The following TXNL1 variants were observed in gnomAD, a reference collection of about 807,000 sequenced individuals.
TXNL1 encodes the protein thioredoxin-like protein 1.
Under a neutral mutation model 35.5 loss-of-function variants are expected in TXNL1, and 14 were observed. That is an observed-to-expected ratio of 0.39 (90% CI 0.26 to 0.62). TXNL1 has a LOEUF of 0.62. Ranked by LOEUF, TXNL1 falls within the 20% of genes least tolerant of loss-of-function variation. The pLI is 0.47. For synonymous variants in TXNL1, 110 were observed against 115.5 expected (o/e 0.95, Z 0.31); for missense variants, 263 against 349.7 (o/e 0.75, Z 1.98).
At chr18:56,632,704 T>C (rs936348954) in intron 1 of TXNL1, among the ~76,000 whole-genome samples, 1 of 152,228 alleles carries the variant, frequency 6.6e-6, no homozygotes, top group African/African-American at 2.4e-5. Flanking sequence ...TCTATAGTGT[T>C]AGAATTCAAG....
In TXNL1 at chr18:56,638,592, T is replaced by C. The variant is rs1032504327; in HGVS notation, c.-152A>G. ...CCGAGTCTTCTCCCGGGACTCTCAGTGCCGAGTCACGCCAGGGAGCGGAGC... is the reference window on the plus strand; with the variant it reads ...CCGAGTCTTCTCCCGGGACTCTCAGCGCCGAGTCACGCCAGGGAGCGGAGC... On this transcript the variant is annotated 5_prime_UTR_variant, in exon 1 of 8. Coordinates refer to ENST00000217515, the MANE Select transcript of TXNL1 (RefSeq NM_004786.3). The C allele has an allele frequency of 1.9e-5, 9 of 471,972 alleles. No individual in the cohort carries two copies. The highest frequency in any genetic ancestry group is 1.2e-4 in the South Asian group (5 of 43,198). The allele number at this position is 471,972 out of a possible 1,614,324, so 29.2% of individuals were successfully genotyped here.
intron 1 of TXNL1, among the ~76,000 whole-genome samples, chr18:56,629,255 C>T (rs1324483454): frequency 6.6e-6 from 1 of 152,228 alleles, no homozygotes; most frequent in Non-Finnish European, 1.5e-5. Context: ...GGGCCAGGCA[C>T]GCTGGCTCAC....
chr18:56,603,281 GTTT>G (rs34882850), intron 7 of TXNL1, among the ~76,000 whole-genome samples: 2 of 120,390 alleles, frequency 1.7e-5, no homozygotes, highest in African/African-American at 5.5e-5. Context: ...GTTTCACACA[GTTT>G]TTTTTTTTTT....
At chr18:56,623,202 T>C (rs1346689563) in intron 3 of TXNL1, among the ~76,000 whole-genome samples, 1 of 152,160 alleles carries the variant, frequency 6.6e-6, no homozygotes, top group African/African-American at 2.4e-5. Context: ...CCAAGGCAGG[T>C]GGATCACCTG....
rs2023762664 is a variant in TXNL1 at position 56,597,843 on chromosome 18, A to G, written c.*5184T>C. On this transcript the variant is annotated 3_prime_UTR_variant, in exon 8 of 8. Coordinates refer to ENST00000217515, the MANE Select transcript of TXNL1 (RefSeq NM_004786.3). ...AATTTAAGGCAATGTACCCAAAACC[A>G]TATTCATCTTCCCCTCTGAACGTTC... 1.3e-5 allele frequency: 2 copies of G among 152,226 alleles called. No homozygotes were observed. The highest frequency in any genetic ancestry group is 2.4e-5 in the African/African-American group (1 of 41,458). The allele number at this position is 152,226 out of a possible 1,614,324, so 9.4% of individuals were successfully genotyped here. A position where few individuals can be genotyped will look rare whatever the true frequency, so the allele number is the denominator to read the frequency against.
chr18:56,635,559 C>G (rs1361805427), intron 1 of TXNL1, among the ~76,000 whole-genome samples: 1 of 152,090 alleles, frequency 6.6e-6, no homozygotes, highest in Non-Finnish European at 1.5e-5. Context: ...CACAAATTGA[C>G]AAATTCATAG....
rs549715712 is a variant in TXNL1, at chr18:56,619,963, GTTA to G, written c.370-1840_370-1838del. 3.5e-3 allele frequency among the ~76,000 whole-genome samples: 529 copies of G among 151,826 alleles called. 3 individuals are homozygous for G. The highest frequency in any genetic ancestry group is 0.03 in the East Asian group (156 of 5,180). ...ACATGCTTTAAAAAAACTCAATTTT[GTTA>G]TTATTATTATTATTATTTTTTTGAG... On this transcript the variant is annotated intron_variant, in intron 3 of 7. Coordinates refer to ENST00000217515, the MANE Select transcript of TXNL1 (RefSeq NM_004786.3).
At chr18:56,634,218 T>A (rs894414064) in intron 1 of TXNL1, among the ~76,000 whole-genome samples, 1 of 152,114 alleles carries the variant, frequency 6.6e-6, no homozygotes, top group African/African-American at 2.4e-5. Flanking sequence ...GGCAGAGGTG[T>A]AAATTATTTA....
In TXNL1 at chr18:56,611,106, A is replaced by C; in HGVS notation, c.736-9T>G. 1 of 1,574,322 alleles carries C rather than the reference A, an allele frequency of 6.4e-7. No homozygotes were observed. The highest frequency in any genetic ancestry group is 8.6e-7 in the Non-Finnish European group (1 of 1,158,274). On this transcript the variant is annotated splice_polypyrimidine_tract_variant and intron_variant, in intron 6 of 7. Coordinates refer to ENST00000217515, the MANE Select transcript of TXNL1 (RefSeq NM_004786.3). ...TTCGACTGAACAAATATCTACCAAAAAAAAGTTTGCATTTATAATTACAAT... is the reference window on the plus strand; with the variant it reads ...TTCGACTGAACAAATATCTACCAAACAAAAGTTTGCATTTATAATTACAAT...
intron 7 of TXNL1, chr18:56,608,866 G>T (rs2023944344): frequency 2.0e-5 from 3 of 151,142 alleles, no homozygotes; most frequent in Non-Finnish European, 2.9e-5. Context: ...AGGATCACTT[G>T]AGCCCAGGAG....
chr18:56,621,176 T>C (rs1344454268), intron 3 of TXNL1, among the ~76,000 whole-genome samples: 2 of 151,900 alleles, frequency 1.3e-5, no homozygotes, highest in Admixed American at 1.3e-4. Context: ...TTTTTATTTA[T>C]TGTGGGGCAC....
chr18:56,607,212 C>T (rs926753348), intron 7 of TXNL1, among the ~76,000 whole-genome samples: 1 of 147,974 alleles, frequency 6.8e-6, no homozygotes, highest in African/African-American at 2.5e-5. Flanking sequence ...GAGATGGAAT[C>T]TTACTATGTT....
intron 6 of TXNL1, among the ~76,000 whole-genome samples, chr18:56,611,684 T>C (rs1056190649): frequency 2.0e-5 from 3 of 151,792 alleles, no homozygotes; most frequent in African/African-American, 7.3e-5. Flanking sequence ...AGAGTCACAA[T>C]TAAATTCTCT....
At chr18:56,628,424 AAC>A (rs1251214855) in intron 1 of TXNL1, among the ~76,000 whole-genome samples, 1 of 152,186 alleles carries the variant, frequency 6.6e-6, no homozygotes, top group Non-Finnish European at 1.5e-5. Context: ...AAAAATCAGA[AAC>A]AATTAAATTC....
Position 56,614,409 on chromosome 18 carries a change from C to A in TXNL1, c.735+15G>T. 10 of 1,607,536 alleles carry A rather than the reference C, an allele frequency of 6.2e-6. No homozygotes were observed. Among genetic ancestry groups the A allele is most frequent in the Non-Finnish European group, 8.5e-6 (10 of 1,176,506 alleles). The stretch of plus-strand genomic sequence containing the variant: ...CACAAACCTATTAAATACATATGAA[C>A]GAAATACTACTTACAGTTACACTGT... On this transcript the variant is annotated intron_variant, in intron 6 of 7. Coordinates refer to ENST00000217515, the MANE Select transcript of TXNL1 (RefSeq NM_004786.3).
At chr18:56,610,945 T>G in intron 7 of TXNL1, 48 bp downstream of exon 7, 1 of 1,233,482 alleles carries the variant, frequency 8.1e-7, no homozygotes, top group Non-Finnish European at 1.1e-6. Flanking sequence ...AATTATTCCA[T>G]TAAAATTATA....
At chr18:56,618,598 A>G (rs1406953622) in intron 3 of TXNL1, among the ~76,000 whole-genome samples, 1 of 151,660 alleles carries the variant, frequency 6.6e-6, no homozygotes, top group East Asian at 1.9e-4. Context: ...CCATGTATCC[A>G]CCACCTCCAG....
intron 1 of TXNL1, among the ~76,000 whole-genome samples, chr18:56,636,318 A>G (rs1289062619): frequency 1.3e-5 from 2 of 152,170 alleles, no homozygotes; most frequent in African/African-American, 4.8e-5. Flanking sequence ...GACAGCATTA[A>G]CTTTGATCTA....
At position 56,599,007 on chromosome 18, in the gene TXNL1, C is replaced by T. The variant is rs1304081257; in HGVS notation, c.*4020G>A. 6.6e-6 allele frequency: 1 copy of T among 152,186 alleles called. No homozygotes were observed. Among genetic ancestry groups the T allele is most frequent in the East Asian group, 1.9e-4 (1 of 5,176 alleles). 9.4% of individuals were successfully genotyped at this position (152,186 alleles called of 1,614,324 possible). On this transcript the variant is annotated 3_prime_UTR_variant, in exon 8 of 8. Coordinates refer to ENST00000217515, the MANE Select transcript of TXNL1 (RefSeq NM_004786.3). Reference sequence around the variant, plus strand: ...TGGTCTGTTCAACTTAGAAATAATTCCAAAATAAAATTCCTCTTCCCATAG... The same window carrying T: ...TGGTCTGTTCAACTTAGAAATAATTTCAAAATAAAATTCCTCTTCCCATAG...
Sources: allele counts gnomAD v4.1 joint callset (sites outside exome capture counted in the v4.1 genomes callset), GRCh38; gene constraint gnomAD v4.1.1; transcripts MANE v1.5; gene names NCBI Gene and HGNC (gene_info 2026-07-23, HGNC 2026-07-21).